The following BRINP3 variants were observed in gnomAD, a reference collection of about 807,000 sequenced individuals.
BRINP3 encodes BMP/retinoic acid-inducible neural-specific protein 3.
A neutral mutation model predicts 71.0 loss-of-function variants in BRINP3; 19 were observed. That is an observed-to-expected ratio of 0.27 (90% CI 0.19 to 0.39). The LOEUF (loss-of-function observed/expected upper bound fraction) is 0.39. Ranked by LOEUF, BRINP3 falls within the 10% of genes least tolerant of loss-of-function variation. BRINP3 has a pLI of 1.00. For synonymous variants in BRINP3, 380 were observed against 337.7 expected, an observed-to-expected ratio of 1.13 and a Z score of -1.37; for missense variants, 959 against 940.8, an observed-to-expected ratio of 1.02 and a Z score of -0.25.
At chr1:190,284,625 T>A (rs116612926) in intron 2 of BRINP3, among the ~76,000 whole-genome samples, 1 of 152,058 alleles carries the variant, frequency 6.6e-6, no homozygotes, top group Non-Finnish European at 1.5e-5. Context: ...CCTGGACAAC[T>A]TTCCAGAGAG....
intron 2 of BRINP3, among the ~76,000 whole-genome samples, chr1:190,368,089 C>T (rs564874495): frequency 1.2e-4 from 19 of 152,122 alleles, no homozygotes; most frequent in Non-Finnish European, 2.2e-4. Context: ...TGTATTTGTC[C>T]ATTCTTACAC....
chr1:190,324,603 T>A (rs1666461917), intron 2 of BRINP3, among the ~76,000 whole-genome samples: 1 of 151,970 alleles, frequency 6.6e-6, no homozygotes, highest in African/African-American at 2.4e-5. Flanking sequence ...TAAGTGTTCT[T>A]CCTGACTTAT....
At chr1:190,129,087 C>A (rs1298631619) in intron 7 of BRINP3, among the ~76,000 whole-genome samples, 1 of 151,766 alleles carries the variant, frequency 6.6e-6, no homozygotes, top group Non-Finnish European at 1.5e-5. Flanking sequence ...TTATACATAT[C>A]TCCTTTTCCA....
intron 2 of BRINP3, among the ~76,000 whole-genome samples, chr1:190,419,238 CTG>C (rs1052632549): frequency 7.9e-5 from 12 of 151,916 alleles, no homozygotes; most frequent in African/African-American, 2.9e-4. Flanking sequence ...AATCTAAAAA[CTG>C]AAGCTAATTT....
At chr1:190,109,493 G>A (rs1652482316) in intron 7 of BRINP3, among the ~76,000 whole-genome samples, 1 of 152,168 alleles carries the variant, frequency 6.6e-6, no homozygotes, top group East Asian at 1.9e-4. Flanking sequence ...AGTATACAAT[G>A]TGATGGCTAA....
intron 2 of BRINP3, among the ~76,000 whole-genome samples, chr1:190,362,767 C>A (rs553743159): frequency 6.6e-6 from 1 of 152,160 alleles, no homozygotes; most frequent in South Asian, 2.1e-4. Context: ...TCTGTCTTGT[C>A]TGCTGCCATG....
At chr1:190,402,280 A>G (rs1373475514) in intron 2 of BRINP3, among the ~76,000 whole-genome samples, 1 of 152,180 alleles carries the variant, frequency 6.6e-6, no homozygotes, top group African/African-American at 2.4e-5. Flanking sequence ...AGTTGATTCT[A>G]GTTTTCTCTG....
At chr1:190,181,447 GTTTTTGCTTTCCGTTTTC>G (rs1404219848) in intron 6 of BRINP3, among the ~76,000 whole-genome samples, 1 of 151,598 alleles carries the variant, frequency 6.6e-6, no homozygotes, top group Non-Finnish European at 1.5e-5. Context: ...GTCATTCCTT[GTTTTTGCTTTCCGTTTTC>G]TTTTTGTCCT....
intron 2 of BRINP3, among the ~76,000 whole-genome samples, chr1:190,443,604 A>G (rs1001329445): frequency 9.2e-5 from 14 of 152,132 alleles, no homozygotes; most frequent in African/African-American, 3.4e-4. Flanking sequence ...ATGAGGGAGC[A>G]GTGGGTCACA....
At chr1:190,267,685 T>G (rs1661777213) in intron 3 of BRINP3, among the ~76,000 whole-genome samples, 1 of 151,966 alleles carries the variant, frequency 6.6e-6, no homozygotes. Context: ...TTTTTCTTCA[T>G]GGAAAAAGAA....
At chr1:190,457,471 A>AAAAC (rs1676077837) in intron 1 of BRINP3, among the ~76,000 whole-genome samples, 1 of 151,854 alleles carries the variant, frequency 6.6e-6, no homozygotes, top group East Asian at 1.9e-4. Flanking sequence ...AAAACAAAAC[A>AAAAC]AAAACACCCA....
chr1:190,445,573 T>TCA (rs34406812), intron 2 of BRINP3, among the ~76,000 whole-genome samples: 22,429 of 148,824 alleles, frequency 0.15, 1,863 homozygotes, highest in South Asian at 0.21. Context: ...TAACACATAC[T>TCA]CACACACACA....
chr1:190,234,625 AC>A, intron 4 of BRINP3, 148 bp from the exon 5 acceptor site: 1 of 487,510 alleles, frequency 2.1e-6, no homozygotes, highest in Non-Finnish European at 3.7e-6. Context: ...CAATACACCC[AC>A]CTAAACATAG....
At chr1:190,435,479 A>G (rs781426855) in intron 2 of BRINP3, among the ~76,000 whole-genome samples, 5 of 152,028 alleles carry the variant, frequency 3.3e-5, no homozygotes, top group Non-Finnish European at 5.9e-5. Flanking sequence ...AAAAATAATT[A>G]TATAGGAATA....
chr1:190,290,219 C>T (rs890746862), intron 2 of BRINP3, among the ~76,000 whole-genome samples: 2 of 151,898 alleles, frequency 1.3e-5, no homozygotes, highest in African/African-American at 2.4e-5. Context: ...AAACACTAAC[C>T]GTATGTAAAA....
At chr1:190,361,799 C>T (rs1669164720) in intron 2 of BRINP3, among the ~76,000 whole-genome samples, 1 of 152,120 alleles carries the variant, frequency 6.6e-6, no homozygotes, top group South Asian at 2.1e-4. Context: ...TACATGCAAA[C>T]TTCATCATCC....
chr1:190,179,276 C>T (rs910663231), intron 6 of BRINP3, among the ~76,000 whole-genome samples: 1 of 152,090 alleles, frequency 6.6e-6, no homozygotes, highest in Non-Finnish European at 1.5e-5. Flanking sequence ...AAACACCTTG[C>T]CAGGGGTGAG....
At chr1:190,152,531 A>ACC (rs71123074) in intron 7 of BRINP3, among the ~76,000 whole-genome samples, 146 of 84,666 alleles carry the variant, frequency 1.7e-3, no homozygotes, top group Admixed American at 7.9e-3. Flanking sequence ...ATCTCCCCCA[A>ACC]CCCCCCCCCC....
At chr1:190,360,316 A>T (rs191572125) in intron 2 of BRINP3, among the ~76,000 whole-genome samples, 42 of 152,264 alleles carry the variant, frequency 2.8e-4, no homozygotes, top group Middle Eastern at 6.8e-3. Context: ...TTGAAAGGGG[A>T]TATTGTTAAT....
Sources: allele counts gnomAD v4.1 joint callset (sites outside exome capture counted in the v4.1 genomes callset), GRCh38; gene constraint gnomAD v4.1.1; transcripts MANE v1.5; gene names NCBI Gene and HGNC (gene_info 2026-07-23, HGNC 2026-07-21).